Variants in PARD3B observed in about 807,000 individuals in gnomAD.
PARD3B encodes the protein par-3 family cell polarity regulator beta.
PARD3B carries 103 observed loss-of-function variants against 130.2 expected under a neutral mutation model. That is an observed-to-expected ratio of 0.79 (90% CI 0.67 to 0.93). PARD3B has a LOEUF of 0.93. Among genes scored for constraint, PARD3B ranks in the 40% least tolerant of loss-of-function variants. The pLI is 0.00. For missense variants in PARD3B, 1,609 were observed against 1,499.2 expected (o/e 1.07, Z -1.21); for synonymous variants, 583 against 553.2 (o/e 1.05, Z -0.76).
rs137916681 is a variant in PARD3B at position 204,778,708 on chromosome 2, C to T, written c.222+92426C>T. ...GTCGTTATAAAATATATAGTGAATC[C>T]TCCTTACTTACTTAACTGCCATCAT... On this transcript the variant is annotated intron_variant, in intron 2 of 22. Coordinates refer to ENST00000406610, the MANE Select transcript of PARD3B (RefSeq NM_001302769.2). Among the ~76,000 whole-genome samples the T allele has an allele frequency of 3.9e-5, 6 of 152,168 alleles. No individual in the cohort carries two copies. The East Asian group carries it at 9.7e-4, about 25-fold the overall frequency.
chr2:205,325,185 C>T lies in PARD3B; in HGVS notation c.2630+23484C>T, dbSNP rs979317157. 7.2e-5 allele frequency among the ~76,000 whole-genome samples: 11 copies of T among 152,178 alleles called. No individual in the cohort carries two copies. Among genetic ancestry groups the T allele is most frequent in the Admixed American group, 3.9e-4 (6 of 15,264 alleles). On this transcript the variant is annotated intron_variant, in intron 18 of 22. Coordinates refer to ENST00000406610, the MANE Select transcript of PARD3B (RefSeq NM_001302769.2). The surrounding 1 kb of genome is among the most constrained non-coding windows in gnomAD (Gnocchi z 4.1). Reference sequence around the variant, plus strand: ...TCTTCACAAACATATATTTGATCTTCTACCAAAATTTTTGCTGTGGTTTCA... The same window carrying T: ...TCTTCACAAACATATATTTGATCTTTTACCAAAATTTTTGCTGTGGTTTCA...
chr2:205,535,056 G>A (rs2051783604), intron 21 of PARD3B, among the ~76,000 whole-genome samples: 1 of 151,874 alleles, frequency 6.6e-6, no homozygotes. Context: ...GTTCTTTTTT[G>A]CATCTCTCTT....
At chr2:204,724,765 GA>G (rs2039148426) in intron 2 of PARD3B, among the ~76,000 whole-genome samples, 1 of 141,548 alleles carries the variant, frequency 7.1e-6, no homozygotes, top group Non-Finnish European at 1.5e-5. Context: ...GTATTATAGA[GA>G]CAAGGTATAC....
At chr2:205,477,350 T>C (rs2049060001) in intron 20 of PARD3B, among the ~76,000 whole-genome samples, 1 of 152,180 alleles carries the variant, frequency 6.6e-6, no homozygotes, top group Non-Finnish European at 1.5e-5. Context: ...TCCTGAATTT[T>C]TTATAGACTC....
At chr2:204,863,840 T>C (rs2045308916) in intron 2 of PARD3B, among the ~76,000 whole-genome samples, 1 of 152,208 alleles carries the variant, frequency 6.6e-6, no homozygotes, top group African/African-American at 2.4e-5. Flanking sequence ...CAGACACCGA[T>C]TTTCATGTTA....
At chr2:205,000,454 T>C (rs1273237163) in intron 3 of PARD3B, among the ~76,000 whole-genome samples, 2 of 152,212 alleles carry the variant, frequency 1.3e-5, no homozygotes, top group African/African-American at 4.8e-5. Flanking sequence ...ATTCCATGTT[T>C]GTTATATTAT....
In PARD3B at chr2:205,568,249, T is replaced by C. The variant is rs1211164630; in HGVS notation, c.3260+14846T>C. On this transcript the variant is annotated intron_variant, in intron 22 of 22. Coordinates refer to ENST00000406610, the MANE Select transcript of PARD3B (RefSeq NM_001302769.2). The surrounding 1 kb of genome is among the most constrained non-coding windows in gnomAD (Gnocchi z 5.3). ...GAGAAAACATATGAGATTAGTAAGATGCCCCAGACAATCCTGATGCCTTCA... is the reference window on the plus strand; with the variant it reads ...GAGAAAACATATGAGATTAGTAAGACGCCCCAGACAATCCTGATGCCTTCA... Among the ~76,000 whole-genome samples the C allele has an allele frequency of 1.3e-5, 2 of 152,166 alleles. No homozygotes were observed. Among genetic ancestry groups the C allele is most frequent in the Non-Finnish European group, 2.9e-5 (2 of 68,020 alleles).
chr2:204,916,079 C>T (rs893140195), intron 2 of PARD3B, among the ~76,000 whole-genome samples: 16 of 152,084 alleles, frequency 1.1e-4, no homozygotes, highest in African/African-American at 3.9e-4. Context: ...GATAACTGTG[C>T]ATGTTAGCAC....
chr2:205,044,696 A>G (rs976946454), intron 3 of PARD3B, among the ~76,000 whole-genome samples: 1 of 151,936 alleles, frequency 6.6e-6, no homozygotes, highest in Non-Finnish European at 1.5e-5. Context: ...TAGAGTCTGG[A>G]TATTAGCCCT....
Position 205,244,296 on chromosome 2 carries a change from G to T in PARD3B, c.2141-1482G>T, listed in dbSNP as rs1375833759. Among the ~76,000 whole-genome samples, 1 of 152,172 alleles carries T rather than the reference G, an allele frequency of 6.6e-6. No individual in the cohort carries two copies. Among genetic ancestry groups the T allele is most frequent in the East Asian group, 1.9e-4 (1 of 5,196 alleles). On this transcript the variant is annotated intron_variant, in intron 15 of 22. Transcript: ENST00000406610. The surrounding 1 kb of genome is among the most constrained non-coding windows in gnomAD (Gnocchi z 4.7). Reference sequence around the variant, plus strand: ...AGGCGAAATGGAAGAGATTCTTCTTGTTAGCAAATTTCCCCTCGCCTTGCT... The same window carrying T: ...AGGCGAAATGGAAGAGATTCTTCTTTTTAGCAAATTTCCCCTCGCCTTGCT...
intron 2 of PARD3B, among the ~76,000 whole-genome samples, chr2:204,931,214 C>A (rs1459069856): frequency 6.6e-6 from 1 of 152,092 alleles, no homozygotes; most frequent in Non-Finnish European, 1.5e-5. Flanking sequence ...CTTCAAATCC[C>A]ACACCCAACA....
intron 2 of PARD3B, among the ~76,000 whole-genome samples, chr2:204,770,651 G>A (rs1248358807): frequency 6.6e-6 from 1 of 151,954 alleles, no homozygotes; most frequent in Non-Finnish European, 1.5e-5. Context: ...TGCATGATGC[G>A]ATATTTTGAG....
chr2:204,643,135 A>AAAAAAAAAAAAAAAAAAAAAAC (rs1357282441), intron 1 of PARD3B, among the ~76,000 whole-genome samples: 1 of 147,332 alleles, frequency 6.8e-6, no homozygotes, highest in South Asian at 2.2e-4. Flanking sequence ...AAAAAAAAAA[A>AAAAAAAAAAAAAAAAAAAAAAC]ATGTTTGGCA....
chr2:205,256,046 G>A (rs957181463), intron 16 of PARD3B, among the ~76,000 whole-genome samples: 1 of 152,072 alleles, frequency 6.6e-6, no homozygotes, highest in Non-Finnish European at 1.5e-5. Context: ...TTGTTCATCA[G>A]TCATCTTATT....
chr2:205,273,370 G>A (rs2040817614), intron 16 of PARD3B, among the ~76,000 whole-genome samples: 1 of 152,182 alleles, frequency 6.6e-6, no homozygotes, highest in East Asian at 1.9e-4. Context: ...TATACTTACT[G>A]TGAATTCCAC....
chr2:205,034,558 C>T (rs1416618292), intron 3 of PARD3B, among the ~76,000 whole-genome samples: 2 of 152,046 alleles, frequency 1.3e-5, no homozygotes, highest in African/African-American at 2.4e-5. Flanking sequence ...AATACAACTA[C>T]ATACACAAGA....
intron 2 of PARD3B, among the ~76,000 whole-genome samples, chr2:204,839,012 A>G (rs974192471): frequency 2.0e-4 from 31 of 152,298 alleles, no homozygotes; most frequent in Non-Finnish European, 4.1e-4. Context: ...ATGAAGTTAA[A>G]GTCATATGCT....
intron 1 of PARD3B, among the ~76,000 whole-genome samples, chr2:204,630,969 T>C (rs60317037): frequency 0.021 from 3,270 of 152,274 alleles, 124 homozygotes; most frequent in East Asian, 0.14. Flanking sequence ...TCAGTTTAGC[T>C]CTGATCTTGG....
intron 20 of PARD3B, among the ~76,000 whole-genome samples, chr2:205,468,738 CT>C (rs1403079544): frequency 6.6e-6 from 1 of 152,192 alleles, no homozygotes; most frequent in Non-Finnish European, 1.5e-5. Context: ...GTTCCTCAAA[CT>C]TTTATTTGAT....
Sources: gnomAD v4.1 joint callset for allele counts (sites outside exome capture counted in the v4.1 genomes callset) on GRCh38, gnomAD v4.1.1 for gene constraint, Gnocchi (gnomAD v3.1) non-coding constraint, MANE v1.5 for transcripts, NCBI Gene and HGNC (gene_info 2026-07-23, HGNC 2026-07-21) for gene names.